The following MYO16 variants were observed in gnomAD, a reference collection of about 807,000 sequenced individuals.
MYO16 encodes myosin XVI.
Under a neutral mutation model 205.3 loss-of-function variants are expected in MYO16, and 94 were observed. The ratio of observed to expected loss-of-function variants is 0.46; its 90% CI spans 0.39 to 0.54. The LOEUF (loss-of-function observed/expected upper bound fraction) is 0.54. MYO16 is among the 20% of genes least tolerant of loss of function. The pLI, the probability that MYO16 is intolerant of heterozygous loss-of-function variation, is 0.00. For missense variants in MYO16, 2,315 were observed against 2,387.5 expected (o/e 0.97, Z 0.63); for synonymous variants, 988 against 954.0 (o/e 1.04, Z -0.66).
chr13:108,527,384 A>T, the MYO16 span, among the ~76,000 whole-genome samples: 2 of 152,192 alleles, frequency 1.3e-5, no homozygotes, highest in South Asian at 2.1e-4. Flanking sequence ...TTTTAATAAG[A>T]TGTAATGGTT....
intron 16 of MYO16, among the ~76,000 whole-genome samples, chr13:108,938,692 G>T (rs9587725): frequency 2.0e-5 from 3 of 152,208 alleles, no homozygotes; most frequent in Non-Finnish European, 4.4e-5. Context: ...GCAAGCAGGT[G>T]CTGTGAATGC....
At chr13:108,705,769 T>A (rs1031516302) in intron 2 of MYO16, among the ~76,000 whole-genome samples, 17 of 152,076 alleles carry the variant, frequency 1.1e-4, no homozygotes, top group African/African-American at 4.1e-4. Flanking sequence ...AAAAGTTAGA[T>A]AAACCACATG....
At chr13:108,666,195 T>C (rs769019815) in intron 2 of MYO16, 46 bp downstream of exon 2, 4 of 1,530,472 alleles carry the variant, frequency 2.6e-6, no homozygotes, top group Non-Finnish European at 3.5e-6. Flanking sequence ...TGATTTTTCA[T>C]GATTGATTTT....
intron 10 of MYO16, among the ~76,000 whole-genome samples, chr13:108,847,774 G>A (rs890613324): frequency 4.0e-5 from 6 of 151,882 alleles, no homozygotes; most frequent in African/African-American, 1.5e-4. Flanking sequence ...ATTATAATGT[G>A]CAAGACTTCC....
At chr13:109,071,100 T>C (rs910727605) in intron 27 of MYO16, among the ~76,000 whole-genome samples, 9 of 152,160 alleles carry the variant, frequency 5.9e-5, no homozygotes, top group Middle Eastern at 3.2e-3. Context: ...TCAGAATCTA[T>C]TCTGGAATAA....
At chr13:109,118,247 C>T (rs1460611057) in intron 28 of MYO16, among the ~76,000 whole-genome samples, 1 of 152,226 alleles carries the variant, frequency 6.6e-6, no homozygotes, top group Non-Finnish European at 1.5e-5. Flanking sequence ...AATCTGCTCA[C>T]TGCTGACCTT....
the MYO16 span, among the ~76,000 whole-genome samples, chr13:108,577,300 C>T: frequency 1.3e-5 from 2 of 152,148 alleles, no homozygotes; most frequent in African/African-American, 4.8e-5. Context: ...AGGCTGGATT[C>T]TCGAGGCAGA....
At chr13:108,934,414 T>C (rs1444363027) in intron 16 of MYO16, among the ~76,000 whole-genome samples, 1 of 152,216 alleles carries the variant, frequency 6.6e-6, no homozygotes, top group Non-Finnish European at 1.5e-5. Context: ...TGTCCGTTGA[T>C]GTCTTTTGCT....
the MYO16 span, among the ~76,000 whole-genome samples, chr13:108,551,530 G>T: frequency 1.3e-5 from 2 of 152,074 alleles, no homozygotes; most frequent in Non-Finnish European, 2.9e-5. Context: ...TACTTGAATT[G>T]TGCAGTCCTA....
chr13:108,581,318 T>C, the MYO16 span, among the ~76,000 whole-genome samples: 3 of 152,150 alleles, frequency 2.0e-5, no homozygotes, highest in South Asian at 2.1e-4. Flanking sequence ...CAGGTGGAAA[T>C]CGTTTTTGAC....
At chr13:108,878,809 G>T (rs558329095) in intron 12 of MYO16, among the ~76,000 whole-genome samples, 1 of 152,178 alleles carries the variant, frequency 6.6e-6, no homozygotes, top group South Asian at 2.1e-4. Context: ...TCCCATAAGG[G>T]GTTTGAGCAC....
chr13:108,661,833 G>A (rs1247342419), intron 1 of MYO16, among the ~76,000 whole-genome samples: 5 of 152,076 alleles, frequency 3.3e-5, no homozygotes, highest in African/African-American at 4.8e-5. Flanking sequence ...ATGAACTAAC[G>A]TGATTTTTTT....
chr13:108,992,268 G>T, intron 20 of MYO16, 108 bp from the exon 21 acceptor site: 1 of 617,934 alleles, frequency 1.6e-6, no homozygotes. Flanking sequence ...AGTCCAAATT[G>T]GCAGCAATGT....
At chr13:108,923,111 C>T (rs954359140) in intron 16 of MYO16, among the ~76,000 whole-genome samples, 4 of 152,116 alleles carry the variant, frequency 2.6e-5, no homozygotes, top group Non-Finnish European at 5.9e-5. Context: ...GATTTTGTGG[C>T]GGTATTTGCA....
At chr13:109,064,598 C>G (rs1887688114) in intron 27 of MYO16, among the ~76,000 whole-genome samples, 2 of 152,110 alleles carry the variant, frequency 1.3e-5, no homozygotes, top group African/African-American at 4.8e-5. Flanking sequence ...CAGCTCCAAT[C>G]TTTGTTGTTA....
the MYO16 span, among the ~76,000 whole-genome samples, chr13:108,581,893 G>GAAAAAAAAAAAAAAAAAAAAA: frequency 8.2e-6 from 1 of 122,088 alleles, no homozygotes. Context: ...AAAAAAAAAA[G>GAAAAAAAAAAAAAAAAAAAAA]AAAAAAAAAA....
intron 23 of MYO16, among the ~76,000 whole-genome samples, chr13:109,024,164 T>G (rs547442881): frequency 6.6e-6 from 1 of 151,178 alleles, no homozygotes; most frequent in Non-Finnish European, 1.5e-5. Context: ...GATTTCACTA[T>G]TACAAATTCT....
chr13:108,622,195 A>C (rs950667948), intron 1 of MYO16, among the ~76,000 whole-genome samples: 1 of 152,214 alleles, frequency 6.6e-6, no homozygotes, highest in African/African-American at 2.4e-5. Flanking sequence ...GGCAAATCAC[A>C]TAATAAATAT....
intron 20 of MYO16, among the ~76,000 whole-genome samples, chr13:108,971,851 T>C (rs1007995113): frequency 1.3e-5 from 2 of 151,930 alleles, no homozygotes; most frequent in Non-Finnish European, 2.9e-5. Flanking sequence ...AATGAGGTGG[T>C]GCATATTAAG....
Sources: allele counts gnomAD v4.1 joint callset (sites outside exome capture counted in the v4.1 genomes callset), GRCh38; gene constraint gnomAD v4.1.1; transcripts MANE v1.5; gene names NCBI Gene and HGNC (gene_info 2026-07-23, HGNC 2026-07-21).